NME7: variants seen among roughly 807,000 people sequenced by gnomAD.
NME7 encodes the protein NME/NM23 family member 7.
A neutral mutation model predicts 49.1 loss-of-function variants in NME7; 41 were observed. The ratio of observed to expected loss-of-function variants is 0.83; its 90% CI spans 0.65 to 1.08. The LOEUF is 1.08. Ranked by LOEUF, NME7 falls within the 50% of genes least tolerant of loss-of-function variation. The pLI, the probability that NME7 is intolerant of heterozygous loss-of-function variation, is 0.00. For missense variants in NME7, 423 were observed against 463.4 expected (o/e 0.91, Z 0.80); for synonymous variants, 139 against 150.6 (o/e 0.92, Z 0.56).
chr1:169,249,232 T>C (rs1267854872), intron 7 of NME7, among the ~76,000 whole-genome samples: 1 of 152,232 alleles, frequency 6.6e-6, no homozygotes, highest in East Asian at 1.9e-4. Context: ...AGGTAATTTA[T>C]TTTTTTCCAG....
intron 11 of NME7, among the ~76,000 whole-genome samples, chr1:169,136,742 GAAC>G (rs1415441498): frequency 6.6e-6 from 1 of 152,004 alleles, no homozygotes; most frequent in African/African-American, 2.4e-5. Flanking sequence ...ATTTAAATAA[GAAC>G]AATAGCTTAC....
intron 6 of NME7, among the ~76,000 whole-genome samples, chr1:169,290,085 A>C (rs1650440354): frequency 6.6e-6 from 1 of 152,066 alleles, no homozygotes; most frequent in Non-Finnish European, 1.5e-5. Context: ...ATAATTTTTA[A>C]ATTTTTAAAC....
intron 1 of NME7, among the ~76,000 whole-genome samples, chr1:169,365,788 A>G (rs1653829604): frequency 6.6e-6 from 1 of 152,196 alleles, no homozygotes; most frequent in South Asian, 2.1e-4. Flanking sequence ...TCACTATTAA[A>G]ATAATCACGA....
chr1:169,218,816 T>G (rs1032509653), intron 10 of NME7, among the ~76,000 whole-genome samples: 1 of 151,954 alleles, frequency 6.6e-6, no homozygotes, highest in African/African-American at 2.4e-5. Flanking sequence ...TATCATTAAT[T>G]CCACTGGAAG....
chr1:169,179,806 G>C (rs978124089), intron 10 of NME7, among the ~76,000 whole-genome samples: 1 of 152,142 alleles, frequency 6.6e-6, no homozygotes, highest in African/African-American at 2.4e-5. Context: ...ACACACTGGG[G>C]CCTGTCAGAG....
intron 11 of NME7, among the ~76,000 whole-genome samples, chr1:169,134,510 A>C (rs1658363393): frequency 6.6e-6 from 1 of 152,236 alleles, no homozygotes; most frequent in Non-Finnish European, 1.5e-5. Context: ...GCATTTAAAT[A>C]CTGAAGAGAG....
chr1:169,236,214 A>C (rs1286248508), intron 8 of NME7, among the ~76,000 whole-genome samples: 1 of 152,190 alleles, frequency 6.6e-6, no homozygotes, highest in Non-Finnish European at 1.5e-5. Context: ...AATTTGAGCC[A>C]GAAATGATTA....
chr1:169,273,468 T>A lies in NME7; in HGVS notation c.754+13835A>T, dbSNP rs1267118418. Reference sequence around the variant, plus strand: ...TTTTCTATTTTTTTCTTAATTTTTTTTTATTATTATACTTTAAGTTTTAGG... The same window carrying A: ...TTTTCTATTTTTTTCTTAATTTTTTATTATTATTATACTTTAAGTTTTAGG... On this transcript the variant is annotated intron_variant, in intron 7 of 11. Coordinates refer to ENST00000367811, the MANE Select transcript of NME7 (RefSeq NM_013330.5). 3.8e-5 allele frequency among the ~76,000 whole-genome samples: 5 copies of A among 132,274 alleles called. 1 individual carries two copies. The highest frequency in any genetic ancestry group is 1.5e-4 in the Admixed American group (2 of 13,474). The allele number at this position is 132,274 out of a possible 152,430, so 86.8% of individuals were successfully genotyped here. A position where few individuals can be genotyped will look rare whatever the true frequency, so the allele number is the denominator to read the frequency against.
intron 1 of NME7, among the ~76,000 whole-genome samples, chr1:169,364,522 ACACATATGCCACCG>A (rs1653777819): frequency 6.6e-6 from 1 of 152,142 alleles, no homozygotes; most frequent in Non-Finnish European, 1.5e-5. Flanking sequence ...CTGGGACTAC[ACACATATGCCACCG>A]CACCTGACTC....
intron 7 of NME7, among the ~76,000 whole-genome samples, chr1:169,254,057 T>A (rs2101851620): frequency 1.3e-5 from 2 of 151,462 alleles, no homozygotes; most frequent in Non-Finnish European, 2.9e-5. Flanking sequence ...GGCTTTGGTA[T>A]CAGAATGATG....
rs895049381 is a variant in NME7 at position 169,261,682 on chromosome 1, G to A, written c.755-23995C>T. Among the ~76,000 whole-genome samples the A allele has an allele frequency of 3.0e-5, 4 of 133,522 alleles. 2 individuals are homozygous for A. Among genetic ancestry groups the A allele is most frequent in the Non-Finnish European group, 7.0e-5 (4 of 56,826 alleles). 87.6% of individuals were successfully genotyped at this position (133,522 alleles called of 152,430 possible). A position where few individuals can be genotyped will look rare whatever the true frequency, so the allele number is the denominator to read the frequency against. On this transcript the variant is annotated intron_variant, in intron 7 of 11. Transcript: ENST00000367811. ...ACTCTGATGATGGCAGATTACTAAA[G>A]GAAATGCAAGATGGTCCCTGCCCAG...
At chr1:169,265,331 C>A (rs1048157008) in intron 7 of NME7, among the ~76,000 whole-genome samples, 7 of 133,666 alleles carry the variant, frequency 5.2e-5, no homozygotes, top group Non-Finnish European at 1.2e-4. Context: ...ATGAAAATTG[C>A]TCAAAGCCAT....
intron 10 of NME7, among the ~76,000 whole-genome samples, chr1:169,183,379 C>T (rs1056684022): frequency 1.3e-5 from 2 of 152,174 alleles, no homozygotes; most frequent in Non-Finnish European, 2.9e-5. Context: ...TAAATATATA[C>T]ACCTCTATAA....
At chr1:169,299,757 A>C (rs186756213) in intron 5 of NME7, among the ~76,000 whole-genome samples, 3 of 152,300 alleles carry the variant, frequency 2.0e-5, no homozygotes, top group Non-Finnish European at 2.9e-5. Context: ...CAGCATGTAC[A>C]AAAAAGTATT....
At chr1:169,298,118 A>T (rs2101906081) in intron 6 of NME7, among the ~76,000 whole-genome samples, 1 of 152,330 alleles carries the variant, frequency 6.6e-6, no homozygotes, top group Non-Finnish European at 1.5e-5. Context: ...GGAGTAGAGA[A>T]ACTTTCATAA....
intron 7 of NME7, among the ~76,000 whole-genome samples, chr1:169,278,911 C>A (rs1206111312): frequency 1.3e-5 from 2 of 152,140 alleles, no homozygotes; most frequent in Non-Finnish European, 2.9e-5. Flanking sequence ...CAGACAGGAC[C>A]CTCCGCTGCA....
intron 7 of NME7, among the ~76,000 whole-genome samples, chr1:169,277,014 A>G (rs1039951307): frequency 6.7e-5 from 10 of 150,342 alleles, no homozygotes; most frequent in Admixed American, 1.3e-4. Flanking sequence ...GAGTTTCTTA[A>G]TCCTGAGTTC....
chr1:169,146,883 A>T (rs1219819581), intron 11 of NME7, among the ~76,000 whole-genome samples: 1 of 152,238 alleles, frequency 6.6e-6, no homozygotes, highest in Non-Finnish European at 1.5e-5. Context: ...GGGGACAAAG[A>T]GGAGAAAGTA....
At chr1:169,282,705 T>C (rs1650074626) in intron 7 of NME7, among the ~76,000 whole-genome samples, 1 of 152,218 alleles carries the variant, frequency 6.6e-6, no homozygotes, top group Non-Finnish European at 1.5e-5. Flanking sequence ...TTTTGTTATT[T>C]ATCCAGTAGT....
Sources: allele counts gnomAD v4.1 joint callset (sites outside exome capture counted in the v4.1 genomes callset), GRCh38; gene constraint gnomAD v4.1.1; transcripts MANE v1.5; gene names NCBI Gene and HGNC (gene_info 2026-07-23, HGNC 2026-07-21).